The following DCLRE1C variants were observed in gnomAD, a reference collection of about 807,000 sequenced individuals.
DCLRE1C encodes the protein protein artemis.
Under a neutral mutation model 61.4 loss-of-function variants are expected in DCLRE1C, and 47 were observed. That is an observed-to-expected ratio of 0.77 (90% confidence interval 0.61 to 0.98). The LOEUF (loss-of-function observed/expected upper bound fraction) is 0.98. Ranked by LOEUF, DCLRE1C falls within the 50% of genes least tolerant of loss-of-function variation. The pLI is 0.00. For synonymous variants in DCLRE1C, 337 were observed against 287.6 expected, an observed-to-expected ratio of 1.17 and a Z score of -1.74; for missense variants, 858 against 816.0, an observed-to-expected ratio of 1.05 and a Z score of -0.63.
rs757296480 is a variant in DCLRE1C, at chr10:14,934,500, G to C, written c.558C>G (p.Val186=). The change falls in exon 8 of 14, where the codon GTC becomes GTG. Residue 186 remains valine (V), a synonymous_variant. Coordinates refer to ENST00000378278, the MANE Select transcript of DCLRE1C (RefSeq NM_001033855.3). ...TGATCCAGCTTCGGACCAGCTCTAA[G>C]ACTCCACTTAAACACTCCTCCTAGA... ...IPSREECLSG[V]LELVRSWITR... The C allele has an allele frequency of 1.7e-5, 27 of 1,614,008 alleles. No individual in the cohort carries two copies. Among genetic ancestry groups the C allele is most frequent in the Non-Finnish European group, 2.1e-5 (25 of 1,180,042 alleles).
intron 11 of DCLRE1C, among the ~76,000 whole-genome samples, chr10:14,925,742 C>A (rs1193029304): frequency 6.6e-6 from 1 of 152,214 alleles, no homozygotes; most frequent in Non-Finnish European, 1.5e-5. Flanking sequence ...AGTATTATGA[C>A]TGGTCACCAT....
At chr10:14,943,648 G>A (rs1475039025) in intron 3 of DCLRE1C, among the ~76,000 whole-genome samples, 1 of 152,190 alleles carries the variant, frequency 6.6e-6, no homozygotes, top group Non-Finnish European at 1.5e-5. Context: ...CGCCTCCCAG[G>A]TTCAAGCGAT....
rs1010608024 is a variant in DCLRE1C at position 14,908,288 on chromosome 10, A to G, written c.*120T>C. On this transcript the variant is annotated 3_prime_UTR_variant, in exon 14 of 14. Transcript: ENST00000378278. ...AGTGCTGGGATTACAAGTGTGAGCCACCACACCCAACCAGGTTATTTGAAC... is the reference window on the plus strand; with the variant it reads ...AGTGCTGGGATTACAAGTGTGAGCCGCCACACCCAACCAGGTTATTTGAAC... The G allele has an allele frequency of 3.6e-6, 3 of 838,614 alleles. No individual in the cohort carries two copies. The African/African-American group carries it at 5.2e-5, about 15-fold the overall frequency. The allele number at this position is 838,614 out of a possible 1,614,324, so 51.9% of individuals were successfully genotyped here.
rs538052614 is a variant in DCLRE1C at position 14,930,983 on chromosome 10, T to C, written c.780+1871A>G. Among the ~76,000 whole-genome samples, 5 of 152,344 alleles carry C rather than the reference T, an allele frequency of 3.3e-5. No individual in the cohort carries two copies. In the South Asian group the frequency reaches 6.2e-4, roughly 19 times the overall value. On this transcript the variant is annotated intron_variant, in intron 9 of 13. Transcript: ENST00000378278. Reference sequence around the variant, plus strand: ...CTCTCTTGTTTGAAATTATGCTTTATCGTAAGGGCTAGGCAACTAGGCTTT... The same window carrying C: ...CTCTCTTGTTTGAAATTATGCTTTACCGTAAGGGCTAGGCAACTAGGCTTT...
In DCLRE1C at chr10:14,919,743, T is replaced by C; in HGVS notation, c.1151A>G (p.Asp384Gly). 2 of 1,613,286 alleles carry C rather than the reference T, an allele frequency of 1.2e-6. No homozygotes were observed. Among genetic ancestry groups the C allele is most frequent in the Non-Finnish European group, 1.7e-6 (2 of 1,179,338 alleles). The change falls in exon 13 of 14, where the codon GAC (aspartate) becomes GGC (glycine). Residue 384 changes from aspartate (D) to glycine (G), a missense_variant. Around this residue, in one of 2 missense-constraint regions of DCLRE1C, gnomAD observed 843 missense variants for 783.5 expected, o/e 1.08. Transcript: ENST00000378278. ...CCCAGGACCATTTTTCTTACCTGAGTCTCGGTGAACTGTTCTAGCTCTCTT... is the reference window on the plus strand; with the variant it reads ...CCCAGGACCATTTTTCTTACCTGAGCCTCGGTGAACTGTTCTAGCTCTCTT... The part of the protein sequence containing the change: ...KLKRARTVHR[D>G]SEEEDDYLFD...
At chr10:14,929,007 T>C (rs1838510417) in intron 9 of DCLRE1C, among the ~76,000 whole-genome samples, 1 of 152,176 alleles carries the variant, frequency 6.6e-6, no homozygotes, top group Non-Finnish European at 1.5e-5. Context: ...CTCGAACTCC[T>C]GACCTCAAGA....
intron 4 of DCLRE1C, among the ~76,000 whole-genome samples, chr10:14,937,053 A>G (rs1178711315): frequency 2.8e-4 from 43 of 151,808 alleles, no homozygotes; most frequent in African/African-American, 8.3e-4. Context: ...TAAGAAATGA[A>G]CACATGTTGT....
At chr10:14,945,403 C>T (rs1841521458) in intron 2 of DCLRE1C, 5 of 1,285,508 alleles carry the variant, frequency 3.9e-6, no homozygotes, top group Non-Finnish European at 5.0e-6. Context: ...ATTACGCTGG[C>T]ACAAAATCTG....
chr10:14,934,202 C>G (rs920241777), intron 8 of DCLRE1C, among the ~76,000 whole-genome samples, 178 bp downstream of exon 8: 5 of 151,958 alleles, frequency 3.3e-5, no homozygotes, highest in African/African-American at 1.2e-4. Context: ...GTGGCTCACG[C>G]CTGTAATCCC....
At chr10:14,939,964 T>G in intron 3 of DCLRE1C, 95 bp from the exon 4 acceptor site, 1 of 907,610 alleles carries the variant, frequency 1.1e-6, no homozygotes, top group Non-Finnish European at 1.8e-6. Context: ...CAAAGAGAAG[T>G]TTCAGACTCT....
intron 4 of DCLRE1C, among the ~76,000 whole-genome samples, chr10:14,937,117 G>A (rs1840063579): frequency 6.6e-6 from 1 of 152,096 alleles, no homozygotes; most frequent in South Asian, 2.1e-4. Context: ...GAGACAGAGA[G>A]TCCAATACAG....
At chr10:14,911,043 G>A (rs927231261) in intron 13 of DCLRE1C, 1 of 152,292 alleles carries the variant, frequency 6.6e-6, no homozygotes, top group African/African-American at 2.4e-5. Flanking sequence ...GACCAGAGAG[G>A]AGAGTGCTGC....
chr10:14,930,900 T>C (rs985094977), intron 9 of DCLRE1C, among the ~76,000 whole-genome samples: 1 of 152,208 alleles, frequency 6.6e-6, no homozygotes, highest in Non-Finnish European at 1.5e-5. Context: ...AAAAATAATT[T>C]ACACTGCAGC....
In DCLRE1C at chr10:14,926,910, GA is replaced by G. The variant is rs1333161578; in HGVS notation, c.918-14del. On this transcript the variant is annotated splice_polypyrimidine_tract_variant and intron_variant, in intron 10 of 13. Coordinates refer to ENST00000378278, the MANE Select transcript of DCLRE1C (RefSeq NM_001033855.3). ...ACTCTCTCCAGTCCTAAAGGGAAGT[GA>G]AAACACAAAATAAAAAGATCACTGA... The G allele has an allele frequency of 1.2e-5, 19 of 1,611,230 alleles. No individual in the cohort carries two copies. Among genetic ancestry groups the G allele is most frequent in the Non-Finnish European group, 1.6e-5 (19 of 1,177,812 alleles).
Position 14,906,418 on chromosome 10 carries a change from AAACGT to A in DCLRE1C, c.*1985_*1989del, listed in dbSNP as rs1834397829. Among the ~76,000 whole-genome samples the A allele has an allele frequency of 6.6e-6, 1 of 152,250 alleles. No individual in the cohort carries two copies. On this transcript the variant is annotated 3_prime_UTR_variant, in exon 14 of 14. Transcript: ENST00000378278. ...ATAATGCCAGACTCACATATAAAAC[AAACGT>A]AACAGTATGTAATATTAATGTGATT...
chr10:14,940,901 G>A (rs1196336345), intron 3 of DCLRE1C, among the ~76,000 whole-genome samples: 1 of 151,908 alleles, frequency 6.6e-6, no homozygotes, highest in Non-Finnish European at 1.5e-5. Context: ...TATTATTTTT[G>A]AGATAGGGTC....
chr10:14,936,518 A>C lies in DCLRE1C; in HGVS notation c.362+20T>G, dbSNP rs1435604160. 1 of 1,602,440 alleles carries C rather than the reference A, an allele frequency of 6.2e-7. No individual in the cohort carries two copies. Among genetic ancestry groups the C allele is most frequent in the Non-Finnish European group, 8.5e-7 (1 of 1,169,854 alleles). On this transcript the variant is annotated intron_variant, in intron 5 of 13. Transcript: ENST00000378278. ...ATGTGTCTACATATAATAAAATGACAAAATAAATGACCCCCTTACATAACT... is the reference window on the plus strand; with the variant it reads ...ATGTGTCTACATATAATAAAATGACCAAATAAATGACCCCCTTACATAACT...
chr10:14,946,465 G>A (rs917179240), intron 2 of DCLRE1C, among the ~76,000 whole-genome samples: 1 of 152,138 alleles, frequency 6.6e-6, no homozygotes, highest in Non-Finnish European at 1.5e-5. Context: ...GACTGGCGGG[G>A]TCTATGTTCC....
intron 4 of DCLRE1C, among the ~76,000 whole-genome samples, chr10:14,938,630 A>G (rs1840369827): frequency 6.6e-6 from 1 of 152,250 alleles, no homozygotes; most frequent in Non-Finnish European, 1.5e-5. Flanking sequence ...CCTACTTATT[A>G]AAACCATACA....
Sources: gnomAD v4.1 joint callset for allele counts (sites outside exome capture counted in the v4.1 genomes callset) on GRCh38, gnomAD v4.1.1 for gene constraint, gnomAD v4.1.1 regional missense constraint, MANE v1.5 for transcripts, NCBI Gene and HGNC (gene_info 2026-07-23, HGNC 2026-07-21) for gene names.